The following GLB1 variants were observed in gnomAD, a reference collection of about 807,000 sequenced individuals.
GLB1 encodes galactosidase beta 1.
Under a neutral mutation model 74.0 loss-of-function variants are expected in GLB1, and 56 were observed. That is an observed-to-expected ratio of 0.76 (90% CI 0.61 to 0.94). The LOEUF (loss-of-function observed/expected upper bound fraction) is 0.94. Among genes scored for constraint, GLB1 ranks in the 40% least tolerant of loss-of-function variants. The probability of loss-of-function intolerance (pLI) is 0.00; values close to 1 mark genes in which losing one functional copy is unlikely to be tolerated. For synonymous variants in GLB1, 323 were observed against 323.6 expected (o/e 1.00, Z 0.02); for missense variants, 787 against 845.5 (o/e 0.93, Z 0.86).
At chr3:32,971,307 A>G in the GLB1 span, among the ~76,000 whole-genome samples, 3 of 152,354 alleles carry the variant, frequency 2.0e-5, no homozygotes, top group East Asian at 3.9e-4. Context: ...GAGTTCCACT[A>G]CTAATTGTCA....
chr3:33,031,336 C>T (rs1465519350), intron 10 of GLB1, among the ~76,000 whole-genome samples: 1 of 151,852 alleles, frequency 6.6e-6, no homozygotes, highest in Non-Finnish European at 1.5e-5. Flanking sequence ...GGAATGTCTA[C>T]AAAGTCTCAT....
intron 15 of GLB1, among the ~76,000 whole-genome samples, chr3:33,009,122 A>AAAATAAATAAATAAATAAAT (rs201038052): frequency 0.025 from 3,471 of 137,450 alleles, 68 homozygotes; most frequent in East Asian, 0.082. Flanking sequence ...TCCATCTTAA[A>AAAATAAATAAATAAATAAAT]AAATAAATAA....
intron 5 of GLB1, among the ~76,000 whole-genome samples, chr3:33,064,332 T>G (rs1324459532): frequency 6.7e-6 from 1 of 149,770 alleles, no homozygotes; most frequent in African/African-American, 2.5e-5. Flanking sequence ...GCCAGCTACT[T>G]GGGAGGCTGA....
At chr3:33,045,692 T>C (rs1484304901) in intron 10 of GLB1, 1 of 1,050,238 alleles carries the variant, frequency 9.5e-7, no homozygotes, top group East Asian at 7.3e-5. Context: ...CTCCCATATA[T>C]CCATGCTGCC....
At chr3:33,078,956 G>C (rs9875798) in intron 1 of GLB1, among the ~76,000 whole-genome samples, 17,310 of 152,054 alleles carry the variant, frequency 0.11, 1,230 homozygotes, top group East Asian at 0.36. Context: ...CGATTCTCCT[G>C]CTTCAGCAAA....
chr3:32,989,182 CT>C, the GLB1 span, among the ~76,000 whole-genome samples: 5 of 152,178 alleles, frequency 3.3e-5, no homozygotes, highest in Non-Finnish European at 7.3e-5. Context: ...TTGTGATGTT[CT>C]TAGCATCAGA....
chr3:33,058,106 G>A lies in GLB1; in HGVS notation c.716C>T (p.Thr239Met), dbSNP rs746766232. The change falls in exon 6 of 16, where the codon ACG (threonine) becomes ATG (methionine). Residue 239 changes from threonine (T) to methionine (M), a missense_variant. Transcript: ENST00000307363. ...KCGALQGLYTTVDFGTGSNIT... is the reference protein window; with the variant it reads ...KCGALQGLYTMVDFGTGSNIT... ...ACACCAACCTGTTCCAAAGTCCACCGTGGTGTAGAGGCCCTGCAGGGCCCC... is the reference window on the plus strand; with the variant it reads ...ACACCAACCTGTTCCAAAGTCCACCATGGTGTAGAGGCCCTGCAGGGCCCC... The A allele has an allele frequency of 9.3e-6, 15 of 1,613,900 alleles. No homozygotes were observed. Among genetic ancestry groups the A allele is most frequent in the Admixed American group, 1.7e-5 (1 of 60,032 alleles).
At chr3:33,031,675 A>ATATATATAT (rs1698048432) in intron 10 of GLB1, among the ~76,000 whole-genome samples, 30 of 128,230 alleles carry the variant, frequency 2.3e-4, no homozygotes, top group Non-Finnish European at 3.4e-4. Context: ...ATATATATAT[A>ATATATATAT]ATCTCCACTA....
At chr3:33,008,057 G>A (rs564818919) in intron 15 of GLB1, among the ~76,000 whole-genome samples, 3 of 152,198 alleles carry the variant, frequency 2.0e-5, no homozygotes, top group African/African-American at 7.2e-5. Flanking sequence ...TCTATAAAGC[G>A]TTGAGCAGAA....
At chr3:33,028,943 G>A (rs955873433) in intron 10 of GLB1, among the ~76,000 whole-genome samples, 2 of 152,130 alleles carry the variant, frequency 1.3e-5, no homozygotes, top group African/African-American at 2.4e-5. Flanking sequence ...GATTACAGGC[G>A]TGAGCCACTG....
intron 15 of GLB1, among the ~76,000 whole-genome samples, chr3:32,999,602 T>C (rs763246903): frequency 1.3e-5 from 2 of 152,172 alleles, no homozygotes; most frequent in Non-Finnish European, 2.9e-5. Context: ...TCCCCTTCCC[T>C]GGATGGTTCT....
chr3:33,094,125 A>G (rs1700899957), intron 1 of GLB1: 2 of 1,614,158 alleles, frequency 1.2e-6, no homozygotes, highest in Non-Finnish European at 1.7e-6. Flanking sequence ...GGAGGCGATC[A>G]TGGACACGAA....
At chr3:33,087,868 T>C (rs1188750742) in intron 1 of GLB1, among the ~76,000 whole-genome samples, 3 of 98,814 alleles carry the variant, frequency 3.0e-5, no homozygotes, top group Non-Finnish European at 6.3e-5. Flanking sequence ...AACAAAATAC[T>C]AGCAAACTGA....
rs548170129 is a variant in GLB1, at chr3:33,096,744, G to A, written c.75+267C>T. On this transcript the variant is annotated intron_variant, in intron 1 of 15. Coordinates refer to ENST00000307363, the MANE Select transcript of GLB1 (RefSeq NM_000404.4). The stretch of plus-strand genomic sequence containing the variant: ...CTCGTCTCAACACCTCGTTACAGAT[G>A]GGGAAGTGGATCCAAGCGCAAAGGG... 1.1e-5 allele frequency: 14 copies of A among 1,303,588 alleles called. No individual in the cohort carries two copies. The East Asian group carries it at 4.1e-4, about 38-fold the overall frequency. The allele number at this position is 1,303,588 out of a possible 1,614,324, so 80.8% of individuals were successfully genotyped here.
intron 1 of GLB1, chr3:33,090,738 C>T (rs1700719902): frequency 1.0e-6 from 1 of 985,336 alleles, no homozygotes; most frequent in South Asian, 4.7e-5. Flanking sequence ...AAATGTCCGC[C>T]GCGTCAGGGA....
chr3:33,046,350 C>G lies in GLB1; in HGVS notation c.956-118G>C, dbSNP rs35000357. ...AAAACTAGAAGACACATTAAAACCA[C>G]TTGTTGGGAGACACAGACGTGACCC... On this transcript the variant is annotated intron_variant, in intron 9 of 15. Transcript: ENST00000307363. The G allele has an allele frequency of 0.17, 197,631 of 1,188,294 alleles. 19,562 individuals are homozygous for G. The highest frequency in any genetic ancestry group is 0.46 in the East Asian group (18,110 of 39,104). 73.6% of individuals were successfully genotyped at this position (1,188,294 alleles called of 1,614,324 possible). A position where few individuals can be genotyped will look rare whatever the true frequency, so the allele number is the denominator to read the frequency against.
the GLB1 span, among the ~76,000 whole-genome samples, chr3:32,968,888 T>A: frequency 1.3e-5 from 2 of 152,218 alleles, no homozygotes; most frequent in African/African-American, 4.8e-5. Flanking sequence ...GCAATTAGAT[T>A]CTATGGCACT....
At chr3:33,058,732 G>A (rs902547632) in intron 5 of GLB1, among the ~76,000 whole-genome samples, 3 of 152,040 alleles carry the variant, frequency 2.0e-5, no homozygotes, top group Non-Finnish European at 2.9e-5. Context: ...CCAAATATAC[G>A]CAAATAATAT....
chr3:33,063,434 G>A (rs560092658), intron 5 of GLB1, among the ~76,000 whole-genome samples: 1 of 125,056 alleles, frequency 8.0e-6, no homozygotes, highest in Non-Finnish European at 1.9e-5. Flanking sequence ...AAGGGGAGAG[G>A]AGGAGGAGGA....
Sources: allele counts gnomAD v4.1 joint callset (sites outside exome capture counted in the v4.1 genomes callset), GRCh38; gene constraint gnomAD v4.1.1; transcripts MANE v1.5; gene names NCBI Gene and HGNC (gene_info 2026-07-23, HGNC 2026-07-21).